STXBP5: variants seen among roughly 807,000 people sequenced by gnomAD.
STXBP5 encodes syntaxin binding protein 5.
A neutral mutation model predicts 152.4 loss-of-function variants in STXBP5; 50 were observed. That is an observed-to-expected ratio of 0.33 (90% CI 0.26 to 0.42). The LOEUF (loss-of-function observed/expected upper bound fraction) is 0.42, where lower values mean the gene tolerates loss of function less well. Ranked by LOEUF, STXBP5 falls within the 10% of genes least tolerant of loss-of-function variation. STXBP5 has a pLI of 1.00. For synonymous variants in STXBP5, 492 were observed against 494.7 expected (o/e 0.99, Z 0.07); for missense variants, 1,167 against 1,388.6 (o/e 0.84, Z 2.54).
chr6:147,352,324 A>G (rs1397104689), intron 21 of STXBP5, among the ~76,000 whole-genome samples: 1 of 152,238 alleles, frequency 6.6e-6, no homozygotes, highest in Non-Finnish European at 1.5e-5. Context: ...AGTTTGGCCT[A>G]TAAGCTAGAA....
At chr6:147,332,898 C>T (rs1269191972) in intron 18 of STXBP5, among the ~76,000 whole-genome samples, 1 of 152,072 alleles carries the variant, frequency 6.6e-6, no homozygotes, top group Non-Finnish European at 1.5e-5. Flanking sequence ...TCAATAAGTT[C>T]AGTAATTATT....
rs549392717 is a variant in STXBP5, at chr6:147,339,160, G to A, written c.2147-19G>A. 1.7e-4 allele frequency: 262 copies of A among 1,528,256 alleles called. No homozygotes were observed. The highest frequency in any genetic ancestry group is 2.0e-4 in the Non-Finnish European group (227 of 1,138,970). The allele number at this position is 1,528,256 out of a possible 1,614,324, so 94.7% of individuals were successfully genotyped here. A position where few individuals can be genotyped will look rare whatever the true frequency, so the allele number is the denominator to read the frequency against. On this transcript the variant is annotated intron_variant, in intron 19 of 27. Coordinates refer to ENST00000321680, the MANE Select transcript of STXBP5 (RefSeq NM_001127715.4). ...GACTGACCATCTACCTATTCCTTCC[G>A]TTGTCTTCATTTGTGTAGGTTCTTC...
At chr6:147,287,160 G>A (rs1781009882) in intron 8 of STXBP5, among the ~76,000 whole-genome samples, 1 of 149,702 alleles carries the variant, frequency 6.7e-6, no homozygotes, top group Non-Finnish European at 1.5e-5. Flanking sequence ...AGTTACAATA[G>A]GGTGACTATA....
chr6:147,369,579 C>G lies in STXBP5; in HGVS notation c.3082-4152C>G, dbSNP rs893018891. On this transcript the variant is annotated intron_variant, in intron 25 of 27. Transcript: ENST00000321680. ...AACATATATCTAATAAAGGACTTGT[C>G]TCTAGAATATATGAATGACCCTTAA... 2.6e-5 allele frequency among the ~76,000 whole-genome samples: 4 copies of G among 151,890 alleles called. 1 individual carries two copies. The South Asian group carries it at 8.3e-4, about 31-fold the overall frequency.
At chr6:147,226,161 G>T (rs752522835) in intron 2 of STXBP5, among the ~76,000 whole-genome samples, 80 of 152,028 alleles carry the variant, frequency 5.3e-4, no homozygotes, top group Non-Finnish European at 9.7e-4. Flanking sequence ...AAAAAAGCCA[G>T]GGGTAGTGGC....
At chr6:147,281,560 T>C (rs139843786) in intron 8 of STXBP5, among the ~76,000 whole-genome samples, 99 of 152,338 alleles carry the variant, frequency 6.5e-4, no homozygotes, top group Admixed American at 1.6e-3. Context: ...CAAACAGTTA[T>C]GGTAAATTAG....
At position 147,204,527 on chromosome 6, in the gene STXBP5, G is replaced by A. The variant is rs3811106; in HGVS notation, c.-6G>A. The A allele has an allele frequency of 1.8e-3, 2,881 of 1,611,332 alleles. 7 individuals are homozygous for A. The highest frequency in any genetic ancestry group is 3.6e-3 in the East Asian group (159 of 44,550). Reference sequence around the variant, plus strand: ...TCCCGGGCTGCGGGGGAGCCCCTCCGAGACCATGAGGAAATTCAACATCAG... The same window carrying A: ...TCCCGGGCTGCGGGGGAGCCCCTCCAAGACCATGAGGAAATTCAACATCAG... On this transcript the variant is annotated 5_prime_UTR_variant, in exon 1 of 28. Coordinates refer to ENST00000321680, the MANE Select transcript of STXBP5 (RefSeq NM_001127715.4). The surrounding 1 kb of genome is among the most constrained non-coding windows in gnomAD (Gnocchi z 4.3).
In STXBP5 at chr6:147,388,674, A is replaced by G. The variant is rs1011065335; in HGVS notation, c.*3919A>G. The G allele has an allele frequency of 6.6e-6, 1 of 151,364 alleles. No individual in the cohort carries two copies. Among genetic ancestry groups the G allele is most frequent in the Non-Finnish European group, 1.5e-5 (1 of 67,576 alleles). 9.4% of individuals were successfully genotyped at this position (151,364 alleles called of 1,614,324 possible). On this transcript the variant is annotated 3_prime_UTR_variant, in exon 28 of 28. Transcript: ENST00000321680. ...GGAAAGATATCATTTCTATGCTTTA[A>G]AAAACCCTCTATTGAGCATTTTCAA...
At chr6:147,290,601 G>A (rs1010698968) in intron 8 of STXBP5, among the ~76,000 whole-genome samples, 7 of 152,086 alleles carry the variant, frequency 4.6e-5, no homozygotes, top group African/African-American at 1.2e-4. Context: ...TTTTATAGAG[G>A]TTGGTGTATT....
chr6:147,286,530 T>C (rs1269752701), intron 8 of STXBP5, among the ~76,000 whole-genome samples: 1 of 152,206 alleles, frequency 6.6e-6, no homozygotes, highest in East Asian at 1.9e-4. Context: ...TATAGCTCAG[T>C]AGAGCTATTA....
At chr6:147,239,505 A>G (rs1207319770) in intron 4 of STXBP5, among the ~76,000 whole-genome samples, 1 of 152,222 alleles carries the variant, frequency 6.6e-6, no homozygotes, top group Non-Finnish European at 1.5e-5. Context: ...CAGTGTATGT[A>G]TAAAAGAAAA....
chr6:147,250,159 A>G lies in STXBP5; in HGVS notation c.432-10456A>G, dbSNP rs73582537. 4.0e-3 allele frequency among the ~76,000 whole-genome samples: 615 copies of G among 152,348 alleles called. 4 individuals are homozygous for G. The highest frequency in any genetic ancestry group is 0.014 in the African/African-American group (589 of 41,584). On this transcript the variant is annotated intron_variant, in intron 4 of 27. Coordinates refer to ENST00000321680, the MANE Select transcript of STXBP5 (RefSeq NM_001127715.4). ...CAGCTGCAAATAAGTGGTAACTTAC[A>G]TGAAAAAGGAACAATGATTAAGAGA...
At chr6:147,269,614 A>G (rs1192110564) in intron 7 of STXBP5, among the ~76,000 whole-genome samples, 3 of 152,186 alleles carry the variant, frequency 2.0e-5, no homozygotes, top group Admixed American at 2.0e-4. Context: ...TAGACTCCAT[A>G]TGCTTAAGAA....
chr6:147,263,567 C>A (rs1159950478), intron 6 of STXBP5, among the ~76,000 whole-genome samples: 6 of 151,848 alleles, frequency 4.0e-5, no homozygotes, highest in Non-Finnish European at 7.4e-5. Context: ...CAAATAAAAT[C>A]AGTTTTTCTT....
intron 21 of STXBP5, among the ~76,000 whole-genome samples, chr6:147,346,122 G>A (rs993875094): frequency 6.6e-5 from 10 of 152,180 alleles, no homozygotes; most frequent in Non-Finnish European, 1.3e-4. Flanking sequence ...CTTTCAGTTT[G>A]AAGGTCACAA....
In STXBP5 at chr6:147,363,495, C is replaced by A. The variant is rs1314840368; in HGVS notation, c.2706C>A (p.Ser902=). Residue 902 remains serine (S), a synonymous_variant, in exon 24 of 28, where the codon TCC becomes TCA. Coordinates refer to ENST00000321680, the MANE Select transcript of STXBP5 (RefSeq NM_001127715.4). The part of the protein sequence containing the change: ...KLKKRRPVSV[S]PSSSQEISEN... ...AAAAACGGCGGCCTGTCTCAGTATC[C>A]CCCTCCTCTTCTCAGGAAATTAGTG... The A allele has an allele frequency of 3.1e-6, 5 of 1,613,976 alleles. No individual in the cohort carries two copies. In the South Asian group the frequency reaches 3.3e-5, roughly 11 times the overall value.
At chr6:147,216,348 C>T (rs1433285916) in intron 2 of STXBP5, among the ~76,000 whole-genome samples, 4 of 152,014 alleles carry the variant, frequency 2.6e-5, no homozygotes, top group African/African-American at 9.7e-5. Context: ...GCTGAGACTG[C>T]GCCACTGCAC....
chr6:147,233,104 C>A (rs566243957), intron 2 of STXBP5, among the ~76,000 whole-genome samples: 10 of 151,686 alleles, frequency 6.6e-5, no homozygotes, highest in Admixed American at 2.0e-4. Context: ...AGGTAGATCA[C>A]CTTAATATTC....
rs553485884 is a variant in STXBP5, at chr6:147,239,295, T to A, written c.431+25T>A. ...GGTAAGAATTCTCCCAGTTATCTTA[T>A]GTATAGGATATTTACTATTATATTT... On this transcript the variant is annotated intron_variant, in intron 4 of 27. Transcript: ENST00000321680. 9.7e-5 allele frequency: 153 copies of A among 1,581,640 alleles called. 1 individual carries two copies. In the South Asian group the frequency reaches 1.7e-3, roughly 17 times the overall value.
Sources: gnomAD v4.1 joint callset for allele counts (sites outside exome capture counted in the v4.1 genomes callset) on GRCh38, gnomAD v4.1.1 for gene constraint, Gnocchi (gnomAD v3.1) non-coding constraint, MANE v1.5 for transcripts, NCBI Gene and HGNC (gene_info 2026-07-23, HGNC 2026-07-21) for gene names.